Variants in FGGY observed in about 807,000 individuals in gnomAD.
FGGY encodes the protein FGGY carbohydrate kinase domain-containing protein.
FGGY carries 72 observed loss-of-function variants against 71.3 expected under a neutral mutation model. The ratio of observed to expected loss-of-function variants is 1.01; its 90% confidence interval spans 0.84 to 1.23. The LOEUF (loss-of-function observed/expected upper bound fraction) is 1.23. Ranked by LOEUF, FGGY falls within the 50% of genes most tolerant of loss-of-function variation. The pLI, the probability that FGGY is intolerant of heterozygous loss-of-function variation, is 0.00. For synonymous variants in FGGY, 251 were observed against 250.3 expected, an observed-to-expected ratio of 1.00 and a Z score of -0.02; for missense variants, 668 against 682.3, an observed-to-expected ratio of 0.98 and a Z score of 0.23.
At chr1:59,493,585 T>G (rs1408403526) in intron 6 of FGGY, among the ~76,000 whole-genome samples, 1 of 152,094 alleles carries the variant, frequency 6.6e-6, no homozygotes, top group East Asian at 1.9e-4. Flanking sequence ...CATAGAGTAG[T>G]CAGATTCATA....
chr1:59,562,291 A>C (rs1368500927), intron 8 of FGGY, among the ~76,000 whole-genome samples: 1 of 152,226 alleles, frequency 6.6e-6, no homozygotes, highest in Non-Finnish European at 1.5e-5. Flanking sequence ...AAATACTACT[A>C]AGCAGTAAAA....
chr1:59,461,148 A>G (rs988647795), intron 6 of FGGY, among the ~76,000 whole-genome samples: 1 of 152,226 alleles, frequency 6.6e-6, no homozygotes, highest in Non-Finnish European at 1.5e-5. Flanking sequence ...ATTCAACCCC[A>G]TCGCAAGGAA....
chr1:59,352,765 G>A (rs899379944), intron 4 of FGGY, among the ~76,000 whole-genome samples: 13 of 152,190 alleles, frequency 8.5e-5, no homozygotes, highest in African/African-American at 2.9e-4. Context: ...GAGGCTGGAC[G>A]AAGCTAATTT....
At chr1:59,588,610 C>G (rs1040832029) in intron 8 of FGGY, among the ~76,000 whole-genome samples, 19 of 152,110 alleles carry the variant, frequency 1.2e-4, no homozygotes, top group Admixed American at 2.0e-4. Flanking sequence ...ACCCTACAAG[C>G]CAGAAGAGAG....
At chr1:59,758,171 A>G (rs1002427923) in intron 15 of FGGY, among the ~76,000 whole-genome samples, 179 bp downstream of exon 15, 5 of 152,200 alleles carry the variant, frequency 3.3e-5, no homozygotes, top group East Asian at 1.9e-4. Flanking sequence ...CTGCAGAACT[A>G]TGTAGGGCCA....
chr1:59,575,955 A>T (rs1452492475), intron 8 of FGGY, among the ~76,000 whole-genome samples: 1 of 152,172 alleles, frequency 6.6e-6, no homozygotes, highest in Non-Finnish European at 1.5e-5. Flanking sequence ...CTATATATAC[A>T]AGATCATATC....
At chr1:59,476,140 T>C (rs1481752638) in intron 6 of FGGY, among the ~76,000 whole-genome samples, 1 of 152,206 alleles carries the variant, frequency 6.6e-6, no homozygotes, top group Non-Finnish European at 1.5e-5. Context: ...GGTCTACCTC[T>C]TTCTCTTTGT....
chr1:59,509,736 T>C (rs1281886120), intron 6 of FGGY, among the ~76,000 whole-genome samples: 2 of 152,352 alleles, frequency 1.3e-5, no homozygotes, highest in Middle Eastern at 3.4e-3. Flanking sequence ...CCCAGGACTC[T>C]CTCTGCCTCG....
chr1:59,324,285 T>TA (rs1311177877), intron 2 of FGGY, among the ~76,000 whole-genome samples: 1 of 137,164 alleles, frequency 7.3e-6, no homozygotes, highest in Admixed American at 7.2e-5. Flanking sequence ...TTTTTTTTTT[T>TA]TTTTTTTTTG....
rs184726019 is a variant in FGGY at position 59,742,957 on chromosome 1, A to T, written c.1513-14974A>T. 1.9e-3 allele frequency among the ~76,000 whole-genome samples: 292 copies of T among 152,296 alleles called. 2 individuals carry two copies. Among genetic ancestry groups the T allele is most frequent in the African/African-American group, 6.7e-3 (277 of 41,546 alleles). On this transcript the variant is annotated intron_variant, in intron 14 of 15. Transcript: ENST00000303721. ...CATTCTTTAGTTTATTCTCTACAAA[A>T]CTACCAGAGTGATCTTTAACAAACA...
intron 4 of FGGY, among the ~76,000 whole-genome samples, chr1:59,359,051 G>T (rs2054893184): frequency 6.6e-6 from 1 of 152,196 alleles, no homozygotes; most frequent in East Asian, 1.9e-4. Context: ...TCAAACACCA[G>T]CCTTTATCAC....
At chr1:59,620,096 G>A (rs187257480) in intron 9 of FGGY, among the ~76,000 whole-genome samples, 8 of 152,086 alleles carry the variant, frequency 5.3e-5, no homozygotes, top group African/African-American at 9.6e-5. Flanking sequence ...AGGGAGGAAG[G>A]AGTCAAGAAT....
At chr1:59,701,031 C>A (rs2097705159) in intron 14 of FGGY, among the ~76,000 whole-genome samples, 1 of 152,174 alleles carries the variant, frequency 6.6e-6, no homozygotes, top group Non-Finnish European at 1.5e-5. Context: ...GCTGCCAACA[C>A]TTGTGTTTTC....
At chr1:59,673,962 C>A in intron 13 of FGGY, 77 bp from the exon 14 acceptor site, 1 of 1,285,078 alleles carries the variant, frequency 7.8e-7, no homozygotes, top group South Asian at 1.3e-5. Flanking sequence ...GGTGTTTTTG[C>A]CACTGCGGCT....
chr1:59,344,638 T>G (rs1025942789), intron 3 of FGGY, among the ~76,000 whole-genome samples: 2 of 152,132 alleles, frequency 1.3e-5, no homozygotes, highest in African/African-American at 4.8e-5. Context: ...CCACAGATAC[T>G]CAAGTCCCTG....
At chr1:59,434,921 T>C (rs1275544282) in intron 5 of FGGY, among the ~76,000 whole-genome samples, 1 of 152,172 alleles carries the variant, frequency 6.6e-6, no homozygotes, top group African/African-American at 2.4e-5. Context: ...CTGCATCAGC[T>C]AAACAAAATA....
intron 4 of FGGY, among the ~76,000 whole-genome samples, chr1:59,349,651 C>G (rs1258771609): frequency 2.6e-5 from 4 of 152,138 alleles, no homozygotes; most frequent in Non-Finnish European, 5.9e-5. Context: ...TCAGAATTTT[C>G]TGAGTAAGCC....
intron 14 of FGGY, among the ~76,000 whole-genome samples, chr1:59,723,581 G>A (rs1260919035): frequency 6.7e-6 from 1 of 148,372 alleles, no homozygotes. Flanking sequence ...GGTGGTTGGG[G>A]GTTTTTTTAT....
Position 59,666,029 on chromosome 1 carries a change from C to T in FGGY, c.1297-1254C>T, listed in dbSNP as rs2097322343. 2.6e-5 allele frequency among the ~76,000 whole-genome samples: 4 copies of T among 152,116 alleles called. No homozygotes were observed. In the South Asian group the frequency reaches 8.3e-4, roughly 32 times the overall value. ...CGATTCTTCTTGCCCTCAGCTAAAA[C>T]ACCTCCTCTCCCTCACTACATTCCT... On this transcript the variant is annotated intron_variant, in intron 12 of 15. Transcript: ENST00000303721.
Sources: allele counts gnomAD v4.1 joint callset (sites outside exome capture counted in the v4.1 genomes callset), GRCh38; gene constraint gnomAD v4.1.1; transcripts MANE v1.5; gene names NCBI Gene and HGNC (gene_info 2026-07-23, HGNC 2026-07-21).